The following OSBP2 variants were observed in gnomAD, a reference collection of about 807,000 sequenced individuals.
OSBP2 encodes oxysterol-binding protein 2.
In OSBP2, 66 loss-of-function variants were observed where a neutral mutation model predicts 96.0. The ratio of observed to expected loss-of-function variants is 0.69; its 90% CI spans 0.56 to 0.84. The LOEUF is 0.84. OSBP2 is among the 40% of genes least tolerant of loss of function. The pLI is 0.00. For synonymous variants in OSBP2, 525 were observed against 520.9 expected, an observed-to-expected ratio of 1.01 and a Z score of -0.11; for missense variants, 1,038 against 1,222.7, an observed-to-expected ratio of 0.85 and a Z score of 2.25.
At chr22:30,747,991 C>T (rs545673835) in intron 2 of OSBP2, among the ~76,000 whole-genome samples, 1 of 149,048 alleles carries the variant, frequency 6.7e-6, no homozygotes, top group Non-Finnish European at 1.5e-5. Flanking sequence ...AAGTGATTCT[C>T]CTGCCTCAGT....
intron 1 of OSBP2, among the ~76,000 whole-genome samples, chr22:30,735,399 C>T: frequency 7.0e-6 from 1 of 142,996 alleles, no homozygotes; most frequent in African/African-American, 2.6e-5. Context: ...CTTTTTTCTT[C>T]TCTTCTCTCT....
rs2040329248 is a variant in OSBP2 at position 30,906,089 on chromosome 22, G to C, written c.2608+20G>C. ...AGGAAGGTGAGGCCGGGCGGGAAGG[G>C]CGCCCCGGAGGGGAGGAAAGGGGTG... On this transcript the variant is annotated intron_variant, in intron 13 of 13. Coordinates refer to ENST00000332585, the MANE Select transcript of OSBP2 (RefSeq NM_030758.4). 2 of 1,581,760 alleles carry C rather than the reference G, an allele frequency of 1.3e-6. No individual in the cohort carries two copies. Among genetic ancestry groups the C allele is most frequent in the African/African-American group, 2.7e-5 (2 of 74,320 alleles).
intron 2 of OSBP2, among the ~76,000 whole-genome samples, chr22:30,786,327 T>G (rs136299): frequency 0.18 from 28,010 of 152,004 alleles, 2,692 homozygotes; most frequent in Middle Eastern, 0.23. Flanking sequence ...CCAGCCTCAG[T>G]TAGTGTATTT....
At chr22:30,781,328 G>A (rs914059619) in intron 2 of OSBP2, among the ~76,000 whole-genome samples, 4 of 151,958 alleles carry the variant, frequency 2.6e-5, no homozygotes. Flanking sequence ...AAGGGAGTAT[G>A]GAAGTCATGC....
intron 2 of OSBP2, among the ~76,000 whole-genome samples, chr22:30,820,292 G>T (rs1049219655): frequency 6.6e-6 from 1 of 152,120 alleles, no homozygotes; most frequent in Non-Finnish European, 1.5e-5. Context: ...AGGAGGCTGA[G>T]GCAGGAGGAT....
intron 2 of OSBP2, among the ~76,000 whole-genome samples, chr22:30,853,198 C>T (rs555640811): frequency 6.6e-6 from 1 of 152,272 alleles, no homozygotes; most frequent in South Asian, 2.1e-4. Context: ...CTTCTATCAG[C>T]TGTATTGTAT....
chr22:30,699,791 T>G (rs2089127492), intron 1 of OSBP2, among the ~76,000 whole-genome samples: 2 of 152,176 alleles, frequency 1.3e-5, no homozygotes, highest in Non-Finnish European at 2.9e-5. Context: ...AAAGCACATT[T>G]TACCAATAGT....
chr22:30,886,924 T>C (rs5997800), intron 3 of OSBP2, among the ~76,000 whole-genome samples: 131 of 152,218 alleles, frequency 8.6e-4, no homozygotes, highest in African/African-American at 2.9e-3. Context: ...CTGTGCAAAG[T>C]GAGAGCAAGT....
chr22:30,738,001 C>T (rs149802891), intron 1 of OSBP2, among the ~76,000 whole-genome samples: 2,315 of 152,090 alleles, frequency 0.015, 32 homozygotes, highest in Middle Eastern at 0.044. Context: ...CGTGAGCCAC[C>T]GTGCACGGCT....
rs141199866 is a variant in OSBP2 at position 30,811,332 on chromosome 22, T to TTTTA, written c.854-59069_854-59066dup. ...ATTTTATTTTTTTTATTTTTATTTATTTTATTTATTTATTTATTTATTTAT... is the reference window on the plus strand; with the variant it reads ...ATTTTATTTTTTTTATTTTTATTTATTTTATTTATTTATTTATTTATTTATTTAT... On this transcript the variant is annotated intron_variant, in intron 2 of 13. Transcript: ENST00000332585. Among the ~76,000 whole-genome samples, 469 of 138,136 alleles carry TTTTA rather than the reference T, an allele frequency of 3.4e-3. 2 individuals carry two copies. Among genetic ancestry groups the TTTTA allele is most frequent in the South Asian group, 6.7e-3 (29 of 4,354 alleles). 90.6% of individuals were successfully genotyped at this position (138,136 alleles called of 152,430 possible). A position where few individuals can be genotyped will look rare whatever the true frequency, so the allele number is the denominator to read the frequency against.
intron 2 of OSBP2, among the ~76,000 whole-genome samples, chr22:30,745,900 A>G (rs1259168787): frequency 6.6e-6 from 1 of 152,192 alleles, no homozygotes; most frequent in Non-Finnish European, 1.5e-5. Flanking sequence ...TAAGAACAGG[A>G]TGAAAAGGAT....
chr22:30,779,843 G>A (rs574426535), intron 2 of OSBP2, among the ~76,000 whole-genome samples: 1 of 152,138 alleles, frequency 6.6e-6, no homozygotes, highest in African/African-American at 2.4e-5. Flanking sequence ...TTGGTGGCTG[G>A]GTGGTCTTTC....
chr22:30,778,303 G>GCACACACACACACACACACACACA (rs34574171), intron 2 of OSBP2, among the ~76,000 whole-genome samples: 4 of 146,528 alleles, frequency 2.7e-5, no homozygotes, highest in African/African-American at 1.0e-4. Context: ...GTGTGCATGT[G>GCACACACACACACACACACACACA]CACACACACA....
At chr22:30,823,960 G>A (rs1453337929) in intron 2 of OSBP2, among the ~76,000 whole-genome samples, 1 of 152,172 alleles carries the variant, frequency 6.6e-6, no homozygotes, top group African/African-American at 2.4e-5. Flanking sequence ...GAGAATTTTG[G>A]AGTTAGTTTT....
chr22:30,740,501 TG>T (rs1204003649), intron 1 of OSBP2, among the ~76,000 whole-genome samples: 2 of 152,242 alleles, frequency 1.3e-5, no homozygotes, highest in African/African-American at 4.8e-5. Flanking sequence ...GGGAAAGGGC[TG>T]TTCCCATCTT....
rs2147155045 is a variant in OSBP2 at position 30,889,436 on chromosome 22, A to G, written c.1477-54A>G. The G allele has an allele frequency of 1.9e-6, 3 of 1,606,598 alleles. No homozygotes were observed. The East Asian group carries it at 6.7e-5, about 36-fold the overall frequency. On this transcript the variant is annotated intron_variant, in intron 6 of 13. Coordinates refer to ENST00000332585, the MANE Select transcript of OSBP2 (RefSeq NM_030758.4). ...GGTGGAGGGCAGAAACTTGGAAGCC[A>G]AGGGGGCGCTCTGGCCTCTGCTGAC...
At chr22:30,837,128 G>A (rs1458332411) in intron 2 of OSBP2, among the ~76,000 whole-genome samples, 1 of 151,854 alleles carries the variant, frequency 6.6e-6, no homozygotes, top group East Asian at 1.9e-4. Context: ...CAGGTGTAGT[G>A]GCATCTACCT....
Position 30,890,645 on chromosome 22 carries a change from T to TC in OSBP2, c.1624-80dup. 6.7e-7 allele frequency: 1 copy of TC among 1,492,112 alleles called. No individual in the cohort carries two copies. Among genetic ancestry groups the TC allele is most frequent in the Non-Finnish European group, 9.2e-7 (1 of 1,090,314 alleles). The allele number at this position is 1,492,112 out of a possible 1,614,324, so 92.4% of individuals were successfully genotyped here. A position where few individuals can be genotyped will look rare whatever the true frequency, so the allele number is the denominator to read the frequency against. On this transcript the variant is annotated intron_variant, in intron 7 of 13. Transcript: ENST00000332585. The surrounding 1 kb of genome is among the most constrained non-coding windows in gnomAD (Gnocchi z 4.4). ...TGAAGGTGCTGTCTGAGCAGGGATG[T>TC]CCCTGAACATCCGAGAAAAGCAAGG...
intron 3 of OSBP2, among the ~76,000 whole-genome samples, chr22:30,878,637 C>T (rs538542169): frequency 1.3e-5 from 2 of 152,304 alleles, no homozygotes; most frequent in South Asian, 4.1e-4. Context: ...GAAAGCAGGG[C>T]TGGGCTGGCC....
Sources: gnomAD v4.1 joint callset for allele counts (sites outside exome capture counted in the v4.1 genomes callset) on GRCh38, gnomAD v4.1.1 for gene constraint, Gnocchi (gnomAD v3.1) non-coding constraint, MANE v1.5 for transcripts, NCBI Gene and HGNC (gene_info 2026-07-23, HGNC 2026-07-21) for gene names.